Variants in PDE1C observed in about 807,000 individuals in gnomAD.
The protein encoded by PDE1C is phosphodiesterase 1C, also known as dual specificity calcium/calmodulin-dependent 3',5'-cyclic nucleotide phosphodiesterase 1C.
A neutral mutation model predicts 93.1 loss-of-function variants in PDE1C; 62 were observed. The ratio of observed to expected loss-of-function variants is 0.67; its 90% CI spans 0.54 to 0.82. The LOEUF is 0.82. PDE1C is among the 40% of genes least tolerant of loss of function. The pLI is 0.00. For missense variants in PDE1C, 742 were observed against 884.6 expected (o/e 0.84, Z 2.04); for synonymous variants, 325 against 310.1 (o/e 1.05, Z -0.50).
chr7:32,172,679 G>C (rs561345781), intron 2 of PDE1C, among the ~76,000 whole-genome samples: 1 of 152,042 alleles, frequency 6.6e-6, no homozygotes, highest in African/African-American at 2.4e-5. Flanking sequence ...AAAATTAGCC[G>C]GGCATGGTGG....
chr7:32,146,558 T>C (rs1800849095), intron 3 of PDE1C, among the ~76,000 whole-genome samples: 1 of 152,160 alleles, frequency 6.6e-6, no homozygotes. Flanking sequence ...TGTATTAGGT[T>C]CTCTGAGATA....
At chr7:31,717,613 G>C in the PDE1C span, among the ~76,000 whole-genome samples, 1 of 151,988 alleles carries the variant, frequency 6.6e-6, no homozygotes, top group Non-Finnish European at 1.5e-5. Context: ...TAGAGGACAA[G>C]GTAGAAAAAC....
intron 2 of PDE1C, among the ~76,000 whole-genome samples, chr7:31,937,728 A>C (rs546063263): frequency 1.1e-4 from 16 of 152,342 alleles, no homozygotes; most frequent in African/African-American, 3.6e-4. Context: ...ATTGCCTTTA[A>C]AATTTTCTAT....
At chr7:31,715,711 T>C in the PDE1C span, among the ~76,000 whole-genome samples, 1 of 152,062 alleles carries the variant, frequency 6.6e-6, no homozygotes, top group Non-Finnish European at 1.5e-5. Context: ...GCCTACAGAG[T>C]TTTGTTCCAT....
chr7:31,971,681 T>C (rs532387845), intron 2 of PDE1C, among the ~76,000 whole-genome samples: 1 of 152,342 alleles, frequency 6.6e-6, no homozygotes, highest in East Asian at 1.9e-4. Flanking sequence ...GGCAGGCTTC[T>C]GGGTGAACCC....
chr7:31,960,171 G>A (rs767075741), intron 2 of PDE1C, among the ~76,000 whole-genome samples: 5 of 151,996 alleles, frequency 3.3e-5, no homozygotes, highest in South Asian at 2.1e-4. Flanking sequence ...CACCGCGCCC[G>A]GCCTCAACTT....
chr7:31,642,157 G>T, the PDE1C span: 1 of 1,544,906 alleles, frequency 6.5e-7, no homozygotes, highest in Non-Finnish European at 8.8e-7. Flanking sequence ...ATAACCTCAA[G>T]ACCTCTTTCA....
At chr7:32,373,004 T>A (rs1371935771) in intron 1 of PDE1C, among the ~76,000 whole-genome samples, 2 of 152,196 alleles carry the variant, frequency 1.3e-5, no homozygotes, top group Admixed American at 1.3e-4. Flanking sequence ...CCTAACATAT[T>A]GTTAATGCAA....
chr7:31,751,391 T>A lies in PDE1C; in HGVS notation c.*1993A>T, dbSNP rs566870747. Reference sequence around the variant, plus strand: ...TTCCCCAGGAACATGGCTTCCAACATCAAGAAGCACAGCCAAGAAAACACA... The same window carrying A: ...TTCCCCAGGAACATGGCTTCCAACAACAAGAAGCACAGCCAAGAAAACACA... On this transcript the variant is annotated 3_prime_UTR_variant, in exon 18 of 18. Transcript: ENST00000396191. 5 of 152,166 alleles carry A rather than the reference T, an allele frequency of 3.3e-5. No homozygotes were observed. Among genetic ancestry groups the A allele is most frequent in the African/African-American group, 4.8e-5 (2 of 41,520 alleles). The allele number at this position is 152,166 out of a possible 1,614,324, so 9.4% of individuals were successfully genotyped here.
At position 31,837,024 on chromosome 7, in the gene PDE1C, T is replaced by C. The variant is rs112555260; in HGVS notation, c.1203+156A>G. The stretch of plus-strand genomic sequence containing the variant: ...AAGCAGTATTTAGGTAAGATTCAAA[T>C]ATCACATGACCAAGAGGCAAAATAA... On this transcript the variant is annotated intron_variant, in intron 11 of 17. Transcript: ENST00000396191. 1.2e-3 allele frequency among the ~76,000 whole-genome samples: 182 copies of C among 152,300 alleles called. 1 individual carries two copies. Among genetic ancestry groups the C allele is most frequent in the African/African-American group, 3.9e-3 (164 of 41,570 alleles).
chr7:31,622,167 C>G, the PDE1C span, among the ~76,000 whole-genome samples: 3 of 133,374 alleles, frequency 2.2e-5, no homozygotes, highest in Admixed American at 7.7e-5. Flanking sequence ...GAGACTTTAA[C>G]ACCCCACTGT....
intron 3 of PDE1C, among the ~76,000 whole-genome samples, chr7:32,112,495 C>T (rs867460180): frequency 6.6e-6 from 1 of 152,004 alleles, no homozygotes. Flanking sequence ...AACAGGGTCT[C>T]GCTCTGTAGC....
chr7:32,266,850 G>A (rs1046048334), intron 1 of PDE1C, among the ~76,000 whole-genome samples: 2 of 145,122 alleles, frequency 1.4e-5, no homozygotes, highest in African/African-American at 5.0e-5. Flanking sequence ...ATGCCAAGAT[G>A]GGATTAAATG....
At chr7:31,704,965 C>G in the PDE1C span, among the ~76,000 whole-genome samples, 1 of 152,206 alleles carries the variant, frequency 6.6e-6, no homozygotes, top group Non-Finnish European at 1.5e-5. Context: ...GTAGATACTC[C>G]TGACTTAAGG....
chr7:31,883,976 C>A (rs1797572580), intron 2 of PDE1C, among the ~76,000 whole-genome samples: 1 of 152,196 alleles, frequency 6.6e-6, no homozygotes, highest in Admixed American at 6.5e-5. Flanking sequence ...AAACCCTAGC[C>A]AAGTGGTTTC....
At chr7:31,809,863 A>G (rs1787338039) in intron 15 of PDE1C, among the ~76,000 whole-genome samples, 1 of 152,134 alleles carries the variant, frequency 6.6e-6, no homozygotes, top group Non-Finnish European at 1.5e-5. Flanking sequence ...CCTAGGCTTG[A>G]ATCAAATAGT....
chr7:31,927,958 T>G (rs1181452973), intron 2 of PDE1C, among the ~76,000 whole-genome samples: 1 of 151,998 alleles, frequency 6.6e-6, no homozygotes, highest in African/African-American at 2.4e-5. Context: ...TTAACAGAAG[T>G]AGGCTTCAGA....
chr7:31,927,491 C>T (rs1436092923), intron 2 of PDE1C, among the ~76,000 whole-genome samples: 1 of 152,188 alleles, frequency 6.6e-6, no homozygotes, highest in Non-Finnish European at 1.5e-5. Context: ...ACACCCATGC[C>T]TCCTGACTGG....
intron 2 of PDE1C, among the ~76,000 whole-genome samples, chr7:31,920,419 A>C (rs183696565): frequency 1.1e-4 from 17 of 152,176 alleles, no homozygotes; most frequent in Non-Finnish European, 2.2e-4. Flanking sequence ...TGCAACCTCC[A>C]ATCCCTGGGC....
Sources: gnomAD v4.1 joint callset for allele counts (sites outside exome capture counted in the v4.1 genomes callset) on GRCh38, gnomAD v4.1.1 for gene constraint, MANE v1.5 for transcripts, NCBI Gene and HGNC (gene_info 2026-07-23, HGNC 2026-07-21) for gene names.